The following PIWIL1 variants were observed in gnomAD, a reference collection of about 807,000 sequenced individuals.
PIWIL1 encodes the protein piwi like RNA-mediated gene silencing 1, also known as piwi-like protein 1.
Under a neutral mutation model 114.4 loss-of-function variants are expected in PIWIL1, and 73 were observed. The observed-to-expected ratio is 0.64, with a 90% CI of 0.53 to 0.78. The LOEUF is 0.78. PIWIL1 is among the 30% of genes least tolerant of loss of function. The probability of loss-of-function intolerance (pLI) is 0.00; values close to 1 mark genes in which losing one functional copy is unlikely to be tolerated. For synonymous variants in PIWIL1, 375 were observed against 369.0 expected (o/e 1.02, Z -0.19); for missense variants, 723 against 1,063.1 (o/e 0.68, Z 4.45).
At chr12:130,379,270 C>T in the PIWIL1 span, among the ~76,000 whole-genome samples, 1 of 152,214 alleles carries the variant, frequency 6.6e-6, no homozygotes, top group Non-Finnish European at 1.5e-5. Flanking sequence ...ATTTATTTGG[C>T]ACATAGCAGA....
chr12:130,407,647 G>A, the PIWIL1 span: 83 of 1,079,882 alleles, frequency 7.7e-5, 2 homozygotes, highest in African/African-American at 1.1e-4. Context: ...GTGAACACAC[G>A]TGGCCTCAGT....
At position 130,363,030 on chromosome 12, in the gene PIWIL1, C is replaced by T. The variant is rs2073557661; in HGVS notation, c.2081C>T (p.Pro694Leu). 1.2e-6 allele frequency: 2 copies of T among 1,614,092 alleles called. No individual in the cohort carries two copies. Residue 694 changes from proline to leucine, a missense_variant, in exon 18 of 21, where the codon CCC (proline) becomes CTC (leucine). Pro to Leu is a moderately conservative substitution (Grantham distance 98). Coordinates refer to ENST00000245255, the MANE Select transcript of PIWIL1 (RefSeq NM_004764.5). ...RAWNSCNEYM[P>L]SRIIVYRDGV... Reference sequence around the variant, plus strand: ...TGGAATAGCTGCAATGAGTACATGCCCAGCCGGATCATCGTGTACCGCGAT... The same window carrying T: ...TGGAATAGCTGCAATGAGTACATGCTCAGCCGGATCATCGTGTACCGCGAT...
chr12:130,424,506 T>G, the PIWIL1 span: 7 of 1,231,972 alleles, frequency 5.7e-6, no homozygotes, highest in South Asian at 4.1e-5. This position sits in a 1 kb window ranked among gnomAD's most constrained non-coding sequence, Gnocchi z 9.8. Context: ...ACTCCCACAG[T>G]CCAGGCCGCT....
At chr12:130,393,218 ATG>A in the PIWIL1 span, among the ~76,000 whole-genome samples, 7 of 130,508 alleles carry the variant, frequency 5.4e-5, no homozygotes, top group Admixed American at 3.6e-4. Flanking sequence ...CACCGTCATC[ATG>A]TGTGTCTGTC....
At chr12:130,403,626 C>G in the PIWIL1 span, among the ~76,000 whole-genome samples, 1 of 152,206 alleles carries the variant, frequency 6.6e-6, no homozygotes, top group Non-Finnish European at 1.5e-5. Flanking sequence ...TGGGCAGATT[C>G]TAATAACCTT....
chr12:130,393,609 T>C, the PIWIL1 span, among the ~76,000 whole-genome samples: 3 of 152,272 alleles, frequency 2.0e-5, no homozygotes, highest in African/African-American at 7.2e-5. Flanking sequence ...CTGGTGAATG[T>C]TGAATCCTGT....
the PIWIL1 span, among the ~76,000 whole-genome samples, chr12:130,411,552 A>C: frequency 9.6e-6 from 1 of 104,698 alleles, no homozygotes; most frequent in East Asian, 5.1e-4. Context: ...GAAAAATAGC[A>C]TAAAAAATTT....
chr12:130,419,982 C>A, the PIWIL1 span, among the ~76,000 whole-genome samples: 1,034 of 152,236 alleles, frequency 6.8e-3, 8 homozygotes, highest in African/African-American at 0.024. This position sits in a 1 kb window ranked among gnomAD's most constrained non-coding sequence, Gnocchi z 4.3. Flanking sequence ...AGGTCCACTG[C>A]TTATTAAAAA....
chr12:130,344,980 TA>T (rs1457610477), intron 3 of PIWIL1, among the ~76,000 whole-genome samples: 1 of 152,244 alleles, frequency 6.6e-6, no homozygotes, highest in Non-Finnish European at 1.5e-5. Flanking sequence ...TAATCTCTTT[TA>T]CACAAGATAA....
At chr12:130,393,141 C>G in the PIWIL1 span, among the ~76,000 whole-genome samples, 2 of 151,212 alleles carry the variant, frequency 1.3e-5, no homozygotes, top group African/African-American at 4.9e-5. Flanking sequence ...GTTGTGATGA[C>G]CCGGTCACCA....
chr12:130,403,435 T>C, the PIWIL1 span, among the ~76,000 whole-genome samples: 526 of 152,280 alleles, frequency 3.5e-3, 7 homozygotes, highest in African/African-American at 0.012. Context: ...GCAGACAAAT[T>C]AGAAAAATCT....
chr12:130,351,983 C>T (rs1171874209), intron 9 of PIWIL1, among the ~76,000 whole-genome samples: 7 of 152,118 alleles, frequency 4.6e-5, no homozygotes, highest in African/African-American at 7.2e-5. Context: ...ATTCTCATGG[C>T]GTGTCCCCCA....
intron 19 of PIWIL1, among the ~76,000 whole-genome samples, chr12:130,368,921 C>T (rs1309643731): frequency 2.0e-5 from 3 of 151,634 alleles, no homozygotes; most frequent in Admixed American, 1.3e-4. Context: ...CCGAGACACA[C>T]GTGCAGGACG....
At chr12:130,422,797 G>GT in the PIWIL1 span, among the ~76,000 whole-genome samples, 1 of 152,166 alleles carries the variant, frequency 6.6e-6, no homozygotes, top group African/African-American at 2.4e-5. This position sits in a 1 kb window ranked among gnomAD's most constrained non-coding sequence, Gnocchi z 5.2. Flanking sequence ...ATAATTCCTT[G>GT]TGGGGGGGTC....
chr12:130,377,094 G>A (rs1338734486), downstream of PIWIL1, among the ~76,000 whole-genome samples: 2 of 152,160 alleles, frequency 1.3e-5, no homozygotes, highest in Admixed American at 6.5e-5. Context: ...CAGCTTCACT[G>A]GTATCATTAG....
At position 130,364,329 on chromosome 12, in the gene PIWIL1, C is replaced by T. The variant is rs555612895; in HGVS notation, c.2195+1185C>T. 3.3e-5 allele frequency among the ~76,000 whole-genome samples: 5 copies of T among 152,320 alleles called. 1 individual carries two copies. In the South Asian group the frequency reaches 8.3e-4, roughly 25 times the overall value. On this transcript the variant is annotated intron_variant, in intron 18 of 20. Transcript: ENST00000245255. ...GAGGGATTCTGAAAGCCACTGGCCA[C>T]ATCTGGGGCTTGATTTTATCTGGTG...
intron 14 of PIWIL1, 42 bp from the exon 15 acceptor site, chr12:130,361,138 T>A: frequency 2.5e-6 from 4 of 1,585,580 alleles, no homozygotes; most frequent in Non-Finnish European, 3.5e-6. Flanking sequence ...CTCTTAATCA[T>A]CTGTCTCCTA....
chr12:130,371,755 G>C lies in PIWIL1; in HGVS notation c.*157G>C. The stretch of plus-strand genomic sequence containing the variant: ...TTATTTCTAGCATTGCTATTCACCG[G>C]CTTCCTTATTTTATACGTAAAAATT... On this transcript the variant is annotated 3_prime_UTR_variant, in exon 21 of 21. Transcript: ENST00000245255. The C allele has an allele frequency of 2.2e-6, 1 of 457,448 alleles. No homozygotes were observed. Among genetic ancestry groups the C allele is most frequent in the South Asian group, 4.8e-5 (1 of 20,976 alleles). 28.3% of individuals were successfully genotyped at this position (457,448 alleles called of 1,614,324 possible).
chr12:130,339,777 T>G (rs1362384254), intron 1 of PIWIL1: 1 of 152,128 alleles, frequency 6.6e-6, no homozygotes, highest in African/African-American at 2.4e-5. Flanking sequence ...GAGGGCTGCT[T>G]CCAGTCGGCT....
Sources: gnomAD v4.1 joint callset for allele counts (sites outside exome capture counted in the v4.1 genomes callset) on GRCh38, gnomAD v4.1.1 for gene constraint, Gnocchi (gnomAD v3.1) non-coding constraint, MANE v1.5 for transcripts, NCBI Gene and HGNC (gene_info 2026-07-23, HGNC 2026-07-21) for gene names.